CACNB2: variants seen among roughly 807,000 people sequenced by gnomAD.
The protein encoded by CACNB2 is calcium voltage-gated channel auxiliary subunit beta 2, also known as voltage-dependent L-type calcium channel subunit beta-2.
Under a neutral mutation model 73.3 loss-of-function variants are expected in CACNB2, and 42 were observed. The observed-to-expected ratio is 0.57, with a 90% confidence interval of 0.45 to 0.74. CACNB2 has a LOEUF of 0.74. CACNB2 is among the 30% of genes least tolerant of loss of function. The pLI is 0.00. For missense variants in CACNB2, 940 were observed against 853.0 expected (o/e 1.10, Z -1.27); for synonymous variants, 348 against 310.3 (o/e 1.12, Z -1.28).
At position 18,377,611 on chromosome 10, in the gene CACNB2, A is replaced by G. The variant is rs551036658; in HGVS notation, c.214-24313A>G. ...CTTCTTCTTTTGATTGATTTCAACT[A>G]CTTAAAAATGTGGACATCATTCTTA... On this transcript the variant is annotated intron_variant, in intron 2 of 13. Coordinates refer to ENST00000324631, the MANE Select transcript of CACNB2 (RefSeq NM_201596.3). Among the ~76,000 whole-genome samples the G allele has an allele frequency of 2.6e-5, 4 of 152,302 alleles. No individual in the cohort carries two copies. In the East Asian group the frequency reaches 7.7e-4, roughly 29 times the overall value.
At chr10:18,251,283 C>T (rs928231445) in intron 2 of CACNB2, among the ~76,000 whole-genome samples, 8 of 151,468 alleles carry the variant, frequency 5.3e-5, no homozygotes, top group African/African-American at 1.2e-4. Context: ...TTCACTCTGT[C>T]GCCCAGGCTG....
At chr10:18,141,676 G>C (rs1424672005) in intron 1 of CACNB2, among the ~76,000 whole-genome samples, 1 of 111,436 alleles carries the variant, frequency 9.0e-6, no homozygotes, top group Non-Finnish European at 1.9e-5. Flanking sequence ...TGGTTTTTAC[G>C]TTTTTACGTA....
chr10:18,525,062 C>T (rs539732923), intron 9 of CACNB2, among the ~76,000 whole-genome samples: 123 of 147,098 alleles, frequency 8.4e-4, no homozygotes, highest in African/African-American at 3.0e-3. Flanking sequence ...CATTATATGA[C>T]ATAGTTCATT....
intron 5 of CACNB2, among the ~76,000 whole-genome samples, chr10:18,501,185 G>C (rs1379692323): frequency 1.3e-5 from 2 of 152,184 alleles, no homozygotes; most frequent in Non-Finnish European, 2.9e-5. Flanking sequence ...AAGAGCTAAG[G>C]TCATAGAGTA....
chr10:18,198,156 T>C (rs11818164), intron 2 of CACNB2, among the ~76,000 whole-genome samples: 137 of 148,280 alleles, frequency 9.2e-4, no homozygotes, highest in African/African-American at 3.3e-3. Context: ...ATATCACACA[T>C]ATTACATGTA....
In CACNB2 at chr10:18,392,036, G is replaced by C. The variant is rs138997583; in HGVS notation, c.214-9888G>C. Reference sequence around the variant, plus strand: ...TCAATGGGGGTTACAATTTGAAATAGGATGGTTGCAGAAGACCTCATTGAG... The same window carrying C: ...TCAATGGGGGTTACAATTTGAAATACGATGGTTGCAGAAGACCTCATTGAG... On this transcript the variant is annotated intron_variant, in intron 2 of 13. Transcript: ENST00000324631. 2.6e-3 allele frequency among the ~76,000 whole-genome samples: 395 copies of C among 152,152 alleles called. 1 individual carries two copies. The highest frequency in any genetic ancestry group is 9.3e-3 in the African/African-American group (386 of 41,512).
chr10:18,470,466 A>G (rs2048125489), intron 3 of CACNB2, among the ~76,000 whole-genome samples: 1 of 150,522 alleles, frequency 6.6e-6, no homozygotes, highest in Non-Finnish European at 1.5e-5. Flanking sequence ...AGACTGATAT[A>G]CTGTATTGTA....
At chr10:18,368,538 C>T (rs576851521) in intron 2 of CACNB2, among the ~76,000 whole-genome samples, 5 of 152,088 alleles carry the variant, frequency 3.3e-5, no homozygotes, top group Non-Finnish European at 4.4e-5. Context: ...TGCATTTAAG[C>T]ATATGCTACC....
intron 2 of CACNB2, among the ~76,000 whole-genome samples, chr10:18,357,187 C>T (rs1459336638): frequency 6.6e-6 from 1 of 151,526 alleles, no homozygotes; most frequent in Admixed American, 6.6e-5. Context: ...TCGTGATCCG[C>T]CCGTCTCGGC....
At chr10:18,272,748 G>A (rs1048276901) in intron 2 of CACNB2, among the ~76,000 whole-genome samples, 3 of 152,148 alleles carry the variant, frequency 2.0e-5, no homozygotes, top group South Asian at 2.1e-4. Flanking sequence ...CTTTGCCTTC[G>A]GCCGTTGATT....
intron 2 of CACNB2, among the ~76,000 whole-genome samples, chr10:18,383,188 A>G (rs973962360): frequency 4.6e-5 from 7 of 152,262 alleles, no homozygotes; most frequent in African/African-American, 1.4e-4. Flanking sequence ...TGTTAGCTAC[A>G]AATATTTATT....
At chr10:18,198,415 A>G (rs2034724054) in intron 2 of CACNB2, among the ~76,000 whole-genome samples, 1 of 152,102 alleles carries the variant, frequency 6.6e-6, no homozygotes, top group African/African-American at 2.4e-5. Flanking sequence ...GTAGCCATCA[A>G]TCTTCACCAC....
At chr10:18,163,239 T>A (rs1166596911) in intron 2 of CACNB2, among the ~76,000 whole-genome samples, 8 of 152,232 alleles carry the variant, frequency 5.3e-5, no homozygotes, top group Non-Finnish European at 1.0e-4. Context: ...AGATGGATGA[T>A]GTTAGTATCC....
rs2040014825 is a variant in CACNB2 at position 18,312,898 on chromosome 10, A to G, written c.214-89026A>G. ...GCCACATTTCAAGGTCATGCTACTG[A>G]CGATTACGGACCAAGAGAAGAGCAA... is the stretch of plus-strand genomic sequence containing the variant. On this transcript the variant is annotated intron_variant, in intron 2 of 13. Transcript: ENST00000324631. Among the ~76,000 whole-genome samples the G allele has an allele frequency of 2.0e-5, 3 of 152,158 alleles. No homozygotes were observed. In the South Asian group the frequency reaches 6.2e-4, roughly 31 times the overall value.
At chr10:18,514,592 C>G in intron 7 of CACNB2, 1 of 1,547,042 alleles carries the variant, frequency 6.5e-7, no homozygotes, top group Non-Finnish European at 8.9e-7. Flanking sequence ...CATTAATTCC[C>G]ACAGTTGTAT....
intron 2 of CACNB2, among the ~76,000 whole-genome samples, chr10:18,315,332 AAAAACAAAACAAAACAAAAC>A (rs141967693): frequency 7.0e-6 from 1 of 143,316 alleles, no homozygotes; most frequent in Admixed American, 7.1e-5. Flanking sequence ...AGACTCTGTC[AAAAACAAAACAAAACAAAAC>A]AAAACAAAAC....
intron 3 of CACNB2, among the ~76,000 whole-genome samples, chr10:18,496,946 C>T (rs1049099493): frequency 2.6e-5 from 4 of 151,296 alleles, no homozygotes; most frequent in South Asian, 2.1e-4. Flanking sequence ...CATGGTGTCT[C>T]GTACCTGTAA....
At chr10:18,452,367 G>A (rs1209452251) in intron 3 of CACNB2, among the ~76,000 whole-genome samples, 1 of 152,166 alleles carries the variant, frequency 6.6e-6, no homozygotes, top group Non-Finnish European at 1.5e-5. Flanking sequence ...GGCTGAGGCT[G>A]CAGTAAGTCA....
intron 2 of CACNB2, among the ~76,000 whole-genome samples, chr10:18,284,908 T>C (rs1009019163): frequency 3.9e-5 from 6 of 152,094 alleles, no homozygotes; most frequent in African/African-American, 1.2e-4. Flanking sequence ...AACTAGGGAG[T>C]ACTAAATCAC....
Sources: allele counts gnomAD v4.1 joint callset (sites outside exome capture counted in the v4.1 genomes callset), GRCh38; gene constraint gnomAD v4.1.1; transcripts MANE v1.5; gene names NCBI Gene and HGNC (gene_info 2026-07-23, HGNC 2026-07-21).